Variants in SLC6A16 observed in about 807,000 individuals in gnomAD.
The protein encoded by SLC6A16 is orphan sodium- and chloride-dependent neurotransmitter transporter NTT5.
Under a neutral mutation model 65.4 loss-of-function variants are expected in SLC6A16, and 54 were observed. The ratio of observed to expected loss-of-function variants is 0.83; its 90% CI spans 0.66 to 1.04. The LOEUF (loss-of-function observed/expected upper bound fraction) is 1.04, where lower values mean the gene tolerates loss of function less well. Among genes scored for constraint, SLC6A16 ranks in the 50% least tolerant of loss-of-function variants. The pLI is 0.00. For synonymous variants in SLC6A16, 330 were observed against 346.5 expected (o/e 0.95, Z 0.53); for missense variants, 816 against 914.0 (o/e 0.89, Z 1.38).
chr19:49,335,749 G>C, the SLC6A16 span: 1 of 1,613,344 alleles, frequency 6.2e-7, no homozygotes, highest in South Asian at 1.1e-5. The surrounding 1 kb of genome is among the most constrained non-coding windows in gnomAD (Gnocchi z 4.6). Flanking sequence ...TCGGCATCTG[G>C]ATCCTCATTG....
At chr19:49,340,280 G>C in the SLC6A16 span, 2 of 1,613,752 alleles carry the variant, frequency 1.2e-6, no homozygotes, top group East Asian at 4.5e-5. Flanking sequence ...CGATATTCCT[G>C]TGCAGAAACC....
chr19:49,308,885 C>A lies in SLC6A16; in HGVS notation c.1220G>T (p.Cys407Phe). 1 of 1,614,144 alleles carries A rather than the reference C, an allele frequency of 6.2e-7. No individual in the cohort carries two copies. The highest frequency in any genetic ancestry group is 8.5e-7 in the Non-Finnish European group (1 of 1,180,028). ...GFWATVITHR[C>F]CERNAEILLK... ...AAGGGGCCGGCCTTACCTCTCACAG[C>A]AGCGATGTGTGATGACTGTCGCCCA... The change falls in exon 7 of 12, where the codon TGC becomes TTC. Residue 407 changes from cysteine (C) to phenylalanine (F), a missense_variant. Transcript: ENST00000335875.
intron 1 of SLC6A16, among the ~76,000 whole-genome samples, chr19:49,313,951 C>T (rs1003358213): frequency 1.8e-4 from 27 of 152,136 alleles, no homozygotes; most frequent in African/African-American, 6.5e-4. Context: ...AAAAAATTAG[C>T]CAGGCACAGT....
the SLC6A16 span, chr19:49,339,229 G>C: frequency 9.7e-7 from 1 of 1,035,200 alleles, no homozygotes; most frequent in Non-Finnish European, 1.5e-6. This position sits in a 1 kb window ranked among gnomAD's most constrained non-coding sequence, Gnocchi z 4.5. Context: ...AGGGGAGCGG[G>C]TAGATGCCTG....
chr19:49,312,278 G>T (rs144013016), intron 1 of SLC6A16, among the ~76,000 whole-genome samples: 3,651 of 152,266 alleles, frequency 0.024, 66 homozygotes, highest in South Asian at 0.074. Context: ...CCTTAGAAAA[G>T]TTACTTTACC....
intron 1 of SLC6A16, among the ~76,000 whole-genome samples, chr19:49,324,175 C>CA (rs1042852334): frequency 6.6e-6 from 1 of 151,968 alleles, no homozygotes; most frequent in Non-Finnish European, 1.5e-5. Context: ...ACTAAAAATA[C>CA]AAAAAATTAG....
At chr19:49,318,142 T>C (rs1246945868) in intron 1 of SLC6A16, among the ~76,000 whole-genome samples, 1 of 152,012 alleles carries the variant, frequency 6.6e-6, no homozygotes, top group African/African-American at 2.4e-5. Flanking sequence ...AACCTGCACA[T>C]GTATAGTATG....
chr19:49,316,039 T>G (rs193184453), intron 1 of SLC6A16, among the ~76,000 whole-genome samples: 3 of 152,266 alleles, frequency 2.0e-5, no homozygotes, highest in Admixed American at 1.3e-4. Context: ...TCCAGAATAC[T>G]ACAGATAAAT....
intron 1 of SLC6A16, among the ~76,000 whole-genome samples, chr19:49,320,510 GAAGAA>G (rs976817031): frequency 6.6e-6 from 1 of 151,386 alleles, no homozygotes; most frequent in Admixed American, 6.6e-5. Flanking sequence ...AAAGCTAGCA[GAAGAA>G]AATAATAAAA....
At chr19:49,316,810 A>G (rs1398760955) in intron 1 of SLC6A16, among the ~76,000 whole-genome samples, 1 of 151,714 alleles carries the variant, frequency 6.6e-6, no homozygotes, top group East Asian at 1.9e-4. Flanking sequence ...ACTTGAGGCC[A>G]GGAATTCAAG....
In SLC6A16 at chr19:49,300,730, G is replaced by C. The variant is rs1970273178; in HGVS notation, c.1230-6177C>G. Among the ~76,000 whole-genome samples, 5 of 152,076 alleles carry C rather than the reference G, an allele frequency of 3.3e-5. No individual in the cohort carries two copies. The South Asian group carries it at 1.0e-3, about 32-fold the overall frequency. On this transcript the variant is annotated intron_variant, in intron 7 of 11. Coordinates refer to ENST00000335875, the MANE Select transcript of SLC6A16 (RefSeq NM_014037.3). ...TCCAGCCTCCCTTTCTCTATAAAGA[G>C]CAACAATTTGGCAACTATCCTTGAA...
chr19:49,333,986 T>C, the SLC6A16 span, among the ~76,000 whole-genome samples: 1 of 152,300 alleles, frequency 6.6e-6, no homozygotes, highest in Admixed American at 6.5e-5. Context: ...AGGCAGGAAG[T>C]ACCGCCTGAT....
At chr19:49,315,982 G>T (rs976350619) in intron 1 of SLC6A16, among the ~76,000 whole-genome samples, 3 of 151,974 alleles carry the variant, frequency 2.0e-5, no homozygotes, top group African/African-American at 7.3e-5. Flanking sequence ...AAAAGACAAA[G>T]ATTAAACAAA....
intron 1 of SLC6A16, 132 bp downstream of exon 1, chr19:49,324,915 AC>A: frequency 2.4e-6 from 1 of 412,176 alleles, no homozygotes; most frequent in Non-Finnish European, 3.3e-6. Flanking sequence ...GCCCAGGGCA[AC>A]CAGGAGGCTC....
At chr19:49,335,796 G>T in the SLC6A16 span, 2 of 1,607,236 alleles carry the variant, frequency 1.2e-6, no homozygotes, top group Non-Finnish European at 1.7e-6. This position sits in a 1 kb window ranked among gnomAD's most constrained non-coding sequence, Gnocchi z 4.6. Flanking sequence ...GGTGAGGGGG[G>T]CTGGGGCAGG....
At chr19:49,291,631 G>C (rs1970080339) in intron 10 of SLC6A16, among the ~76,000 whole-genome samples, 2 of 152,002 alleles carry the variant, frequency 1.3e-5, no homozygotes. Flanking sequence ...ACTCTTCTAA[G>C]TGCTGGATAT....
Position 49,299,183 on chromosome 19 carries a change from T to A in SLC6A16, c.1230-4630A>T, listed in dbSNP as rs375078628. Among the ~76,000 whole-genome samples the A allele has an allele frequency of 2.5e-4, 38 of 149,422 alleles. No individual in the cohort carries two copies. The East Asian group carries it at 6.9e-3, about 27-fold the overall frequency. ...ATGGCGTGAACCCGGGAGGCAGAGG[T>A]TACAGTGAGCCGAGATCGCACCTCT... On this transcript the variant is annotated intron_variant, in intron 7 of 11. Transcript: ENST00000335875.
chr19:49,290,841 T>G lies in SLC6A16; in HGVS notation c.1779-74A>C, dbSNP rs528786362. 57 of 1,290,888 alleles carry G rather than the reference T, an allele frequency of 4.4e-5. No individual in the cohort carries two copies. The Admixed American group carries it at 5.4e-4, about 12-fold the overall frequency. The allele number at this position is 1,290,888 out of a possible 1,614,324, so 80.0% of individuals were successfully genotyped here. A position where few individuals can be genotyped will look rare whatever the true frequency, so the allele number is the denominator to read the frequency against. On this transcript the variant is annotated intron_variant, in intron 10 of 11. Coordinates refer to ENST00000335875, the MANE Select transcript of SLC6A16 (RefSeq NM_014037.3). ...CTTGGAGGCAGGGCCAGCCCAACCTTGGCATCTTTCAAACATTCTATTGTA... is the reference window on the plus strand; with the variant it reads ...CTTGGAGGCAGGGCCAGCCCAACCTGGGCATCTTTCAAACATTCTATTGTA...
At chr19:49,300,928 T>TGTAATA (rs1970279046) in intron 7 of SLC6A16, among the ~76,000 whole-genome samples, 1 of 152,066 alleles carries the variant, frequency 6.6e-6, no homozygotes, top group Non-Finnish European at 1.5e-5. Context: ...GGCACGTTCC[T>TGTAATA]GTAATCCCAT....
Sources: gnomAD v4.1 joint callset for allele counts (sites outside exome capture counted in the v4.1 genomes callset) on GRCh38, gnomAD v4.1.1 for gene constraint, Gnocchi (gnomAD v3.1) non-coding constraint, MANE v1.5 for transcripts, NCBI Gene and HGNC (gene_info 2026-07-23, HGNC 2026-07-21) for gene names.